Variants in ECE1 observed in about 807,000 individuals in gnomAD.
ECE1 encodes endothelin converting enzyme 1, also known as endothelin-converting enzyme 1.
In ECE1, 35 loss-of-function variants were observed where a neutral mutation model predicts 98.6. The observed-to-expected ratio is 0.35, with a 90% CI of 0.27 to 0.47. The LOEUF (loss-of-function observed/expected upper bound fraction) is 0.47. Ranked by LOEUF, ECE1 falls within the 20% of genes least tolerant of loss-of-function variation. ECE1 has a pLI of 1.00. For synonymous variants in ECE1, 394 were observed against 407.1 expected (o/e 0.97, Z 0.39); for missense variants, 814 against 1,025.3 (o/e 0.79, Z 2.81).
chr1:21,231,760 A>G (rs2098182029), intron 14 of ECE1, among the ~76,000 whole-genome samples: 1 of 152,146 alleles, frequency 6.6e-6, no homozygotes. Flanking sequence ...GCTCAAGCGC[A>G]TGCTACCACG....
intron 1 of ECE1, among the ~76,000 whole-genome samples, chr1:21,315,765 G>A (rs1638817704): frequency 6.7e-6 from 1 of 149,740 alleles, no homozygotes; most frequent in Admixed American, 6.7e-5. Context: ...ACTCCAGCCT[G>A]GGTGACAGAG....
At chr1:21,252,483 GAGA>G (rs2098214107) in intron 8 of ECE1, among the ~76,000 whole-genome samples, 2 of 152,248 alleles carry the variant, frequency 1.3e-5, no homozygotes, top group Non-Finnish European at 2.9e-5. Context: ...TGGGAGAGAA[GAGA>G]AGAATGCTTC....
At chr1:21,336,684 A>G (rs1639311057) in intron 1 of ECE1, among the ~76,000 whole-genome samples, 1 of 152,140 alleles carries the variant, frequency 6.6e-6, no homozygotes, top group Non-Finnish European at 1.5e-5. Context: ...TCAACTAAAA[A>G]TACAAAAAAT....
In ECE1 at chr1:21,290,248, GC is replaced by G; in HGVS notation, c.52-93del. On this transcript the variant is annotated intron_variant, in intron 1 of 18. Transcript: ENST00000374893. This position sits in a 1 kb window ranked among gnomAD's most constrained non-coding sequence, Gnocchi z 7.3. ...CGGCCCCGACCCTGGCGCCGCCGCC[GC>G]CGCGCCCCGCCCCGGCCTGGACACC... is the stretch of plus-strand genomic sequence containing the variant. 1.5e-6 allele frequency: 2 copies of G among 1,372,748 alleles called. No homozygotes were observed. Among genetic ancestry groups the G allele is most frequent in the Non-Finnish European group, 1.9e-6 (2 of 1,056,700 alleles). 85.0% of individuals were successfully genotyped at this position (1,372,748 alleles called of 1,614,324 possible).
chr1:21,250,676 ACACCCTCTGTGAGGGAGGTAGC>A (rs1172542519), intron 8 of ECE1, among the ~76,000 whole-genome samples: 2 of 152,220 alleles, frequency 1.3e-5, no homozygotes, highest in Non-Finnish European at 2.9e-5. Flanking sequence ...TATACTGATG[ACACCCTCTGTGAGGGAGGTAGC>A]CATAAACCCC....
chr1:21,267,526 C>T (rs1482357850), intron 4 of ECE1, among the ~76,000 whole-genome samples: 5 of 152,114 alleles, frequency 3.3e-5, no homozygotes, highest in African/African-American at 7.2e-5. Context: ...GAGCCGCCCC[C>T]GTGATTCAAT....
rs1036756731 is a variant in ECE1 at position 21,218,170 on chromosome 1, T to C, written c.*1785A>G. On this transcript the variant is annotated 3_prime_UTR_variant, in exon 19 of 19. Transcript: ENST00000374893. This position sits in a 1 kb window ranked among gnomAD's most constrained non-coding sequence, Gnocchi z 4.0. ...ACAGGCCAGACTGGGTGGAGGAATC[T>C]TCCCCTCACAATGTCCCCTGGCTAA... 4 of 152,448 alleles carry C rather than the reference T, an allele frequency of 2.6e-5. No homozygotes were observed. Among genetic ancestry groups the C allele is most frequent in the African/African-American group, 4.8e-5 (2 of 41,596 alleles). 9.4% of individuals were successfully genotyped at this position (152,448 alleles called of 1,614,324 possible). A position where few individuals can be genotyped will look rare whatever the true frequency, so the allele number is the denominator to read the frequency against.
At position 21,245,079 on chromosome 1, in the gene ECE1, C is replaced by T; in HGVS notation, c.1188G>A (p.Trp396Ter). The change falls in exon 10 of 19, where the codon TGG becomes TGA. Residue 396 changes from tryptophan (W) to a stop codon, truncating the protein, a stop_gained. Coordinates refer to ENST00000374893, the MANE Select transcript of ECE1 (RefSeq NM_001397.3). LOFTEE classifies it high-confidence loss of function. ...AGGAGCTTGTTTTCCGCACCAGGTT[C>T]CAGATCATGTAGTTGTTGAGCAGGC... is the stretch of plus-strand genomic sequence containing the variant. ...DRCLLNNYMI[W>*]NLVRKTSSFL... 6.2e-7 allele frequency: 1 copy of T among 1,614,186 alleles called. No homozygotes were observed.
intron 10 of ECE1, among the ~76,000 whole-genome samples, chr1:21,244,311 A>G (rs1329574922): frequency 6.6e-6 from 1 of 152,136 alleles, no homozygotes; most frequent in Non-Finnish European, 1.5e-5. Context: ...CTCTCGGGGT[A>G]CAGACCCCAG....
intron 1 of ECE1, among the ~76,000 whole-genome samples, chr1:21,331,393 A>G (rs1639197987): frequency 6.6e-6 from 1 of 151,688 alleles, no homozygotes; most frequent in Non-Finnish European, 1.5e-5. Flanking sequence ...ACAGAGTGAG[A>G]CTCTGTCTCA....
intron 1 of ECE1, among the ~76,000 whole-genome samples, chr1:21,297,627 G>A (rs528978632): frequency 6.7e-6 from 1 of 149,698 alleles, no homozygotes; most frequent in East Asian, 1.9e-4. Flanking sequence ...TGCCTCCTGG[G>A]TTCAAGCAAT....
At chr1:21,251,861 T>A (rs1398833009) in intron 8 of ECE1, among the ~76,000 whole-genome samples, 4 of 152,142 alleles carry the variant, frequency 2.6e-5, no homozygotes, top group Non-Finnish European at 1.5e-5. Flanking sequence ...TAACCCTGAG[T>A]TTCTTTTCTC....
intron 2 of ECE1, among the ~76,000 whole-genome samples, chr1:21,288,732 T>A (rs28367919): frequency 0.031 from 4,763 of 152,334 alleles, 230 homozygotes; most frequent in African/African-American, 0.11. Context: ...AATTTCCTGC[T>A]GGCTTCAGCC....
chr1:21,244,786 A>C (rs1029457059), intron 10 of ECE1, among the ~76,000 whole-genome samples: 1 of 152,140 alleles, frequency 6.6e-6, no homozygotes, highest in Non-Finnish European at 1.5e-5. Flanking sequence ...GGGAGCATCT[A>C]TCATCACTAC....
intron 2 of ECE1, among the ~76,000 whole-genome samples, chr1:21,285,877 A>C (rs1276453684): frequency 6.6e-6 from 1 of 151,778 alleles, no homozygotes; most frequent in Non-Finnish European, 1.5e-5. Flanking sequence ...CTGTAATCCC[A>C]GCTACTGGGG....
intron 2 of ECE1, among the ~76,000 whole-genome samples, chr1:21,283,726 G>C (rs2103348759): frequency 6.6e-6 from 1 of 152,346 alleles, no homozygotes; most frequent in Admixed American, 6.5e-5. Context: ...AAGTGGAGCT[G>C]ACCCTCACTG....
rs533557693 is a variant in ECE1 at position 21,340,650 on chromosome 1, G to A, written c.3+4726C>T. On this transcript the variant is annotated intron_variant, in intron 1 of 18. Coordinates refer to the ECE1 transcript ENST00000415912. This position sits in a 1 kb window ranked among gnomAD's most constrained non-coding sequence, Gnocchi z 4.6. ...GGTCAGCAGTCCAAGACCAGCCTGG[G>A]CAACATGGCGAAACCCGGTGTCTAC... Among the ~76,000 whole-genome samples the A allele has an allele frequency of 3.8e-4, 58 of 152,078 alleles. No homozygotes were observed. Among genetic ancestry groups the A allele is most frequent in the Non-Finnish European group, 6.6e-4 (45 of 68,012 alleles).
At chr1:21,315,981 T>A (rs1033345417) in intron 1 of ECE1, among the ~76,000 whole-genome samples, 6 of 152,154 alleles carry the variant, frequency 3.9e-5, no homozygotes, top group African/African-American at 1.4e-4. Flanking sequence ...CACAGTCAGC[T>A]TACCTGTGAT....
intron 1 of ECE1, among the ~76,000 whole-genome samples, chr1:21,317,326 C>T (rs1001338834): frequency 1.3e-5 from 2 of 152,154 alleles, no homozygotes; most frequent in African/African-American, 4.8e-5. Context: ...TAAACAAGGT[C>T]GTGTCTGCAA....
Sources: gnomAD v4.1 joint callset for allele counts (sites outside exome capture counted in the v4.1 genomes callset) on GRCh38, gnomAD v4.1.1 for gene constraint, Gnocchi (gnomAD v3.1) non-coding constraint, MANE v1.5 for transcripts, NCBI Gene and HGNC (gene_info 2026-07-23, HGNC 2026-07-21) for gene names.